PLBD1: variants seen among roughly 807,000 people sequenced by gnomAD.
The protein encoded by PLBD1 is lysosomal leucine aminopeptidase.
A neutral mutation model predicts 63.0 loss-of-function variants in PLBD1; 60 were observed. That is an observed-to-expected ratio of 0.95 (90% CI 0.77 to 1.18). The LOEUF is 1.18. Ranked by LOEUF, PLBD1 falls within the 50% of genes most tolerant of loss-of-function variation. PLBD1 has a pLI of 0.00. For missense variants in PLBD1, 598 were observed against 677.9 expected (o/e 0.88, Z 1.31); for synonymous variants, 262 against 248.0 (o/e 1.06, Z -0.53).
chr12:14,562,011 C>A (rs183707392), intron 1 of PLBD1, among the ~76,000 whole-genome samples: 5 of 152,106 alleles, frequency 3.3e-5, no homozygotes, highest in Non-Finnish European at 7.4e-5. Flanking sequence ...AGAATAACAC[C>A]GGTGTGAATA....
chr12:14,535,179 G>A lies in PLBD1; in HGVS notation c.844+480C>T, dbSNP rs116755631. On this transcript the variant is annotated intron_variant, in intron 6 of 10. Coordinates refer to ENST00000240617, the MANE Select transcript of PLBD1 (RefSeq NM_024829.6). ...TATTGTCCTCTTGAGTATAGTGTAA[G>A]GTTTATAAACTTACACATTCATTCA... is the stretch of plus-strand genomic sequence containing the variant. Among the ~76,000 whole-genome samples the A allele has an allele frequency of 1.9e-3, 289 of 152,144 alleles. 2 individuals are homozygous for A. Among genetic ancestry groups the A allele is most frequent in the Middle Eastern group, 6.8e-3 (2 of 294 alleles).
chr12:14,510,336 G>A (rs1313244715), intron 8 of PLBD1, among the ~76,000 whole-genome samples: 1 of 151,868 alleles, frequency 6.6e-6, no homozygotes, highest in Non-Finnish European at 1.5e-5. Flanking sequence ...AGAGGTTGCA[G>A]GGAGCCGAGA....
chr12:14,561,617 C>T (rs944540547), intron 1 of PLBD1, among the ~76,000 whole-genome samples: 5 of 152,140 alleles, frequency 3.3e-5, no homozygotes, highest in African/African-American at 4.8e-5. Context: ...TGCAATGGCA[C>T]GGTCTCGGCT....
At chr12:14,530,511 C>A (rs11056012) in intron 6 of PLBD1, among the ~76,000 whole-genome samples, 86,831 of 152,036 alleles carry the variant, frequency 0.57, 25,531 homozygotes, top group Admixed American at 0.71. Context: ...GAATAAAAAA[C>A]ATTTTGATTA....
intron 6 of PLBD1, among the ~76,000 whole-genome samples, chr12:14,522,951 G>A (rs1368017784): frequency 6.6e-6 from 1 of 151,916 alleles, no homozygotes; most frequent in Admixed American, 6.6e-5. Context: ...CTAAGATCTG[G>A]AACAAGACAC....
intron 1 of PLBD1, among the ~76,000 whole-genome samples, chr12:14,557,734 A>C (rs890842318): frequency 6.6e-6 from 1 of 152,182 alleles, no homozygotes; most frequent in African/African-American, 2.4e-5. Context: ...ATGGGTACTA[A>C]GCTTAATACC....
rs140578404 is a variant in PLBD1, at chr12:14,503,947, T to C, written c.1487A>G (p.Asp496Gly). Reference sequence around the variant, plus strand: ...TGTGTACTGAGATGCTAGGTAGATATCTGCCACCTGGAAAGAGGGAGGAGG... The same window carrying C: ...TGTGTACTGAGATGCTAGGTAGATACCTGCCACCTGGAAAGAGGGAGGAGG... ...PGGCYDTKVA[D>G]IYLASQYTSY... Residue 496 changes from aspartate to glycine, a missense_variant, in exon 11 of 11, where the codon GAT (aspartate) becomes GGT (glycine). Transcript: ENST00000240617. 2.7e-5 allele frequency: 43 copies of C among 1,596,574 alleles called. No homozygotes were observed. The highest frequency in any genetic ancestry group is 2.4e-4 in the Admixed American group (14 of 57,820).
At chr12:14,543,261 T>C (rs188916421) in intron 2 of PLBD1, among the ~76,000 whole-genome samples, 95 of 152,250 alleles carry the variant, frequency 6.2e-4, no homozygotes, top group African/African-American at 2.3e-3. Flanking sequence ...ATTAAAAAGA[T>C]ATAACTAATA....
intron 6 of PLBD1, among the ~76,000 whole-genome samples, chr12:14,532,722 T>A (rs944706446): frequency 6.6e-6 from 1 of 152,186 alleles, no homozygotes; most frequent in Non-Finnish European, 1.5e-5. Flanking sequence ...CTTTCTGGAC[T>A]CAGAGAAGCT....
intron 4 of PLBD1, among the ~76,000 whole-genome samples, chr12:14,537,303 C>T (rs1161125998): frequency 6.6e-6 from 1 of 152,038 alleles, no homozygotes; most frequent in Non-Finnish European, 1.5e-5. Flanking sequence ...GCTTCTCAAC[C>T]TTGGCACTAT....
chr12:14,533,677 G>C (rs1945486160), intron 6 of PLBD1, among the ~76,000 whole-genome samples: 1 of 152,216 alleles, frequency 6.6e-6, no homozygotes, highest in Non-Finnish European at 1.5e-5. Context: ...TTAAATGTCA[G>C]TGTAATAGAA....
rs111420952 is a variant in PLBD1 at position 14,511,416 on chromosome 12, A to G, written c.1046-16T>C. The G allele has an allele frequency of 5.8e-3, 9,396 of 1,613,214 alleles. 496 individuals are homozygous for G. The African/African-American group carries it at 0.11, about 19-fold the overall frequency. Reference sequence around the variant, plus strand: ...TTATAGGTGCCTGAAATATCAGGAAACATGAAGACGGGGCATGGGTATGAC... The same window carrying G: ...TTATAGGTGCCTGAAATATCAGGAAGCATGAAGACGGGGCATGGGTATGAC... On this transcript the variant is annotated splice_polypyrimidine_tract_variant and intron_variant, in intron 7 of 10. Coordinates refer to ENST00000240617, the MANE Select transcript of PLBD1 (RefSeq NM_024829.6).
intron 4 of PLBD1, among the ~76,000 whole-genome samples, chr12:14,540,538 T>C (rs539761691): frequency 6.6e-6 from 1 of 152,288 alleles, no homozygotes; most frequent in East Asian, 1.9e-4. Context: ...CCCAGTATTA[T>C]GGAAGATTGA....
intron 6 of PLBD1, among the ~76,000 whole-genome samples, chr12:14,529,247 CA>C (rs1394378007): frequency 6.6e-6 from 1 of 151,872 alleles, no homozygotes; most frequent in East Asian, 1.9e-4. Context: ...TAATCATATA[CA>C]TGCTCTTAAA....
chr12:14,504,079 C>T (rs562284617), intron 10 of PLBD1, 125 bp from the exon 11 acceptor site: 75 of 906,300 alleles, frequency 8.3e-5, no homozygotes, highest in African/African-American at 2.7e-4. Context: ...GTCGGAGTTT[C>T]GCTCTTGTTG....
chr12:14,566,794 T>TAAA (rs34908327), intron 1 of PLBD1, among the ~76,000 whole-genome samples: 2 of 138,660 alleles, frequency 1.4e-5, no homozygotes, highest in Non-Finnish European at 1.6e-5. Context: ...GATTATATAT[T>TAAA]AAAAAAAAAA....
chr12:14,561,676 T>C (rs1945743001), intron 1 of PLBD1, among the ~76,000 whole-genome samples: 1 of 152,190 alleles, frequency 6.6e-6, no homozygotes, highest in Admixed American at 6.5e-5. Context: ...TGCCTCAGCC[T>C]CCTGAGTAGC....
At position 14,535,757 on chromosome 12, in the gene PLBD1, T is replaced by C; in HGVS notation, c.746A>G (p.Tyr249Cys). The C allele has an allele frequency of 6.2e-7, 1 of 1,614,104 alleles. No homozygotes were observed. The highest frequency in any genetic ancestry group is 8.5e-7 in the Non-Finnish European group (1 of 1,179,956). ...TATCCTGAGCATGGCTGCATACGTG[T>C]ACCAGCTTGAGTGAGCAAAAAGGAT... ...ENILFAHSSW[Y>C]TYAAMLRIYK... Residue 249 changes from tyrosine (Y) to cysteine (C), a missense_variant, in exon 6 of 11, where the codon TAC becomes TGC. By Grantham distance (194) the Tyr-to-Cys change is radical. Transcript: ENST00000240617.
rs775675852 is a variant in PLBD1, at chr12:14,553,354, A to G, written c.174T>C (p.Asn58=). 6.2e-7 allele frequency: 1 copy of G among 1,614,164 alleles called. No individual in the cohort carries two copies. The highest frequency in any genetic ancestry group is 2.2e-5 in the East Asian group (1 of 44,884). Reference sequence around the variant, plus strand: ...AGGCGTCCCCATTCTTGTCCATTACATTTTTGACTTGTACTGTCTTTTCAG... The same window carrying G: ...AGGCGTCCCCATTCTTGTCCATTACGTTTTTGACTTGTACTGTCTTTTCAG... ...MPAEKTVQVK[N]VMDKNGDAYG... Residue 58 remains asparagine (N), a synonymous_variant, in exon 2 of 11, where the codon AAT becomes AAC. Coordinates refer to ENST00000240617, the MANE Select transcript of PLBD1 (RefSeq NM_024829.6).
Sources: allele counts gnomAD v4.1 joint callset (sites outside exome capture counted in the v4.1 genomes callset), GRCh38; gene constraint gnomAD v4.1.1; transcripts MANE v1.5; gene names NCBI Gene and HGNC (gene_info 2026-07-23, HGNC 2026-07-21).